Variants in SUGCT observed in about 807,000 individuals in gnomAD.
SUGCT encodes succinyl-CoA:glutarate CoA-transferase.
In SUGCT, 41 loss-of-function variants were observed where a neutral mutation model predicts 55.0. The ratio of observed to expected loss-of-function variants is 0.74; its 90% CI spans 0.58 to 0.97. The LOEUF (loss-of-function observed/expected upper bound fraction) is 0.97. Ranked by LOEUF, SUGCT falls within the 50% of genes least tolerant of loss-of-function variation. The pLI, the probability that SUGCT is intolerant of heterozygous loss-of-function variation, is 0.00. For synonymous variants in SUGCT, 187 were observed against 200.4 expected (o/e 0.93, Z 0.56); for missense variants, 568 against 547.8 (o/e 1.04, Z -0.37).
intron 7 of SUGCT, among the ~76,000 whole-genome samples, chr7:40,263,220 C>A (rs974263456): frequency 6.6e-6 from 1 of 152,122 alleles, no homozygotes; most frequent in Non-Finnish European, 1.5e-5. Context: ...CGGTGCCCAG[C>A]CTAAATATTT....
chr7:40,285,363 C>T (rs1303546645), intron 8 of SUGCT, among the ~76,000 whole-genome samples: 2 of 151,906 alleles, frequency 1.3e-5, no homozygotes, highest in African/African-American at 2.4e-5. Context: ...ATATTGTCTA[C>T]TTTCAGAGTT....
intron 13 of SUGCT, among the ~76,000 whole-genome samples, chr7:40,853,761 TG>T (rs1220047967): frequency 3.3e-5 from 5 of 152,212 alleles, no homozygotes; most frequent in Non-Finnish European, 7.3e-5. Context: ...ATCTGTAAAA[TG>T]AGAGCTATAA....
chr7:40,332,454 T>A (rs201597258), intron 9 of SUGCT, among the ~76,000 whole-genome samples: 2 of 125,334 alleles, frequency 1.6e-5, no homozygotes, highest in Non-Finnish European at 3.6e-5. Flanking sequence ...TTTTTTTTTT[T>A]GTTTTTTTTT....
chr7:40,732,742 G>A (rs1410396563), intron 12 of SUGCT, among the ~76,000 whole-genome samples: 1 of 152,180 alleles, frequency 6.6e-6, no homozygotes, highest in Non-Finnish European at 1.5e-5. Context: ...AGATGTGATA[G>A]TGTGATATCC....
At chr7:40,726,955 G>T (rs1211094429) in intron 12 of SUGCT, among the ~76,000 whole-genome samples, 1 of 152,224 alleles carries the variant, frequency 6.6e-6, no homozygotes, top group Non-Finnish European at 1.5e-5. Flanking sequence ...CAAAGCTCTC[G>T]AGACAGAGTA....
intron 1 of SUGCT, among the ~76,000 whole-genome samples, chr7:40,160,888 T>C (rs1369907920): frequency 6.6e-6 from 1 of 152,056 alleles, no homozygotes; most frequent in Non-Finnish European, 1.5e-5. Flanking sequence ...TGGAAGATGA[T>C]AGAGAACATG....
At chr7:40,928,256 C>G in the SUGCT span, among the ~76,000 whole-genome samples, 1 of 151,898 alleles carries the variant, frequency 6.6e-6, no homozygotes, top group Non-Finnish European at 1.5e-5. Context: ...ACATCCACTC[C>G]ATTTCTTTTA....
At chr7:40,876,677 C>T in the SUGCT span, among the ~76,000 whole-genome samples, 1 of 152,162 alleles carries the variant, frequency 6.6e-6, no homozygotes, top group Non-Finnish European at 1.5e-5. Flanking sequence ...AAATCAGAGG[C>T]TCTCCAAATT....
chr7:40,371,647 C>T (rs1436504568), intron 9 of SUGCT, among the ~76,000 whole-genome samples: 1 of 152,058 alleles, frequency 6.6e-6, no homozygotes, highest in Non-Finnish European at 1.5e-5. Flanking sequence ...TTTAGCTTTG[C>T]ACAAGAGATT....
downstream of SUGCT, among the ~76,000 whole-genome samples, chr7:40,861,666 TTAATC>T: frequency 6.6e-6 from 1 of 152,394 alleles, no homozygotes; most frequent in East Asian, 1.9e-4. Flanking sequence ...ATTTGAGTCA[TTAATC>T]TATGCTGTAA....
chr7:40,296,030 C>A (rs1794120857), intron 8 of SUGCT, among the ~76,000 whole-genome samples: 1 of 152,154 alleles, frequency 6.6e-6, no homozygotes, highest in African/African-American at 2.4e-5. Context: ...TCATGTTAGG[C>A]AGCACAAAAG....
chr7:40,622,332 G>A (rs1446754900), intron 12 of SUGCT, among the ~76,000 whole-genome samples: 2 of 152,164 alleles, frequency 1.3e-5, no homozygotes, highest in Non-Finnish European at 2.9e-5. Context: ...GAAACTTGAT[G>A]ATAAATTTGT....
chr7:40,370,577 A>AAGAGAGAGAGAGATGGGGG (rs1784245493), intron 9 of SUGCT, among the ~76,000 whole-genome samples: 4 of 143,124 alleles, frequency 2.8e-5, no homozygotes, highest in African/African-American at 1.0e-4. Context: ...AGAGAGAGAG[A>AAGAGAGAGAGAGATGGGGG]AGAGAGAGAG....
chr7:40,910,671 G>T, the SUGCT span, among the ~76,000 whole-genome samples: 1 of 152,208 alleles, frequency 6.6e-6, no homozygotes, highest in Non-Finnish European at 1.5e-5. Flanking sequence ...GCTCTATTTG[G>T]TTCCTCTGCA....
At chr7:40,898,136 G>C in the SUGCT span, among the ~76,000 whole-genome samples, 1 of 151,710 alleles carries the variant, frequency 6.6e-6, no homozygotes, top group Admixed American at 6.6e-5. Flanking sequence ...AAGCCAGCAA[G>C]ACCACCAGCT....
rs535104250 is a variant in SUGCT, at chr7:40,174,847, A to G, written c.101-6100A>G. 7.2e-5 allele frequency among the ~76,000 whole-genome samples: 11 copies of G among 152,308 alleles called. 1 individual carries two copies. In the South Asian group the frequency reaches 2.3e-3, roughly 32 times the overall value. ...TATGGAAAGTGTCAATTGCTCTCCT[A>G]AAAGATTGTTACTGATTGATATTCC... On this transcript the variant is annotated intron_variant, in intron 1 of 13. Transcript: ENST00000335693.
intron 13 of SUGCT, among the ~76,000 whole-genome samples, chr7:40,850,199 A>G (rs1793781803): frequency 6.6e-6 from 1 of 152,082 alleles, no homozygotes; most frequent in African/African-American, 2.4e-5. Context: ...ACCAGAAAGC[A>G]GTGTGGTCCA....
At chr7:40,562,344 G>T (rs1795888510) in intron 12 of SUGCT, among the ~76,000 whole-genome samples, 1 of 151,644 alleles carries the variant, frequency 6.6e-6, no homozygotes, top group Non-Finnish European at 1.5e-5. Flanking sequence ...GGTAGAAAAT[G>T]CAGGATGGGT....
chr7:40,192,239 T>G (rs908489617), intron 5 of SUGCT, among the ~76,000 whole-genome samples: 5 of 152,088 alleles, frequency 3.3e-5, no homozygotes, highest in African/African-American at 1.2e-4. Flanking sequence ...GGCAATCAGC[T>G]GGATACATGA....
Sources: gnomAD v4.1 joint callset for allele counts (sites outside exome capture counted in the v4.1 genomes callset) on GRCh38, gnomAD v4.1.1 for gene constraint, MANE v1.5 for transcripts, NCBI Gene and HGNC (gene_info 2026-07-23, HGNC 2026-07-21) for gene names.